GLIS3: variants seen among roughly 807,000 people sequenced by gnomAD.
GLIS3 encodes the protein GLIS family zinc finger 3, also known as zinc finger protein GLIS3.
Under a neutral mutation model 78.6 loss-of-function variants are expected in GLIS3, and 53 were observed. That is an observed-to-expected ratio of 0.67 (90% CI 0.54 to 0.85). The LOEUF (loss-of-function observed/expected upper bound fraction) is 0.85, where lower values mean the gene tolerates loss of function less well. Among genes scored for constraint, GLIS3 ranks in the 40% least tolerant of loss-of-function variants. GLIS3 has a pLI of 0.00. For missense variants in GLIS3, 1,703 were observed against 1,231.1 expected, an observed-to-expected ratio of 1.38 and a Z score of -5.74; for synonymous variants, 684 against 509.9, an observed-to-expected ratio of 1.34 and a Z score of -4.60.
intron 7 of GLIS3, among the ~76,000 whole-genome samples, chr9:3,896,032 A>G (rs1250017055): frequency 6.6e-6 from 1 of 152,238 alleles, no homozygotes; most frequent in African/African-American, 2.4e-5. Context: ...TACTTTTGCT[A>G]TTTAGCCAAG....
chr9:4,469,228 G>A, the GLIS3 span, among the ~76,000 whole-genome samples: 254 of 152,152 alleles, frequency 1.7e-3, no homozygotes, highest in Non-Finnish European at 3.3e-3. Context: ...ACAGATCAAT[G>A]AGACAGAAAG....
intron 1 of GLIS3, among the ~76,000 whole-genome samples, chr9:4,291,237 T>C (rs1563907868): frequency 6.6e-6 from 1 of 151,996 alleles, no homozygotes; most frequent in African/African-American, 2.4e-5. Flanking sequence ...TAAGACGAAA[T>C]AAAAGAGGTT....
the GLIS3 span, among the ~76,000 whole-genome samples, chr9:4,445,439 C>A: frequency 6.6e-6 from 1 of 152,040 alleles, no homozygotes; most frequent in South Asian, 2.1e-4. Context: ...CCAGCCTGGG[C>A]AACATAGTGG....
At chr9:3,975,295 G>C (rs988877751) in intron 4 of GLIS3, 5 of 152,100 alleles carry the variant, frequency 3.3e-5, no homozygotes, top group African/African-American at 1.2e-4. Context: ...CTCCCAGGGG[G>C]GCACAGGAAT....
At chr9:4,285,430 C>G (rs1827902645) in intron 2 of GLIS3, 1 of 152,188 alleles carries the variant, frequency 6.6e-6, no homozygotes, top group Admixed American at 6.5e-5. Context: ...TCTCCGCAAG[C>G]ACAAAATACA....
intron 4 of GLIS3, among the ~76,000 whole-genome samples, chr9:4,003,836 T>C (rs1821321279): frequency 6.6e-6 from 1 of 152,230 alleles, no homozygotes; most frequent in Admixed American, 6.5e-5. Flanking sequence ...CTAAAATTCT[T>C]TCTTTGGTGC....
chr9:4,329,858 C>G lies in GLIS3; in HGVS notation n.264+17223G>C, dbSNP rs16921157. On this transcript the variant is annotated intron_variant and non_coding_transcript_variant, in intron 2 of 4. Transcript: ENST00000471664. The stretch of plus-strand genomic sequence containing the variant: ...GCTGGTAATGCAATGATGAATTCGA[C>G]TGAAACAGTTCCTGCCCTTGGAAAG... Among the ~76,000 whole-genome samples the G allele has an allele frequency of 1.8e-4, 27 of 152,274 alleles. No individual in the cohort carries two copies. The South Asian group carries it at 3.7e-3, about 21-fold the overall frequency.
chr9:3,872,219 A>G (rs1001677806), intron 8 of GLIS3, among the ~76,000 whole-genome samples: 4 of 152,220 alleles, frequency 2.6e-5, no homozygotes, highest in Non-Finnish European at 5.9e-5. Context: ...GGGCAAAGCC[A>G]TTCAACAAGT....
chr9:4,117,738 G>C (rs931398740), intron 4 of GLIS3, 30 bp downstream of exon 4: 1 of 1,614,100 alleles, frequency 6.2e-7, no homozygotes, highest in Non-Finnish European at 8.5e-7. Context: ...GCCTTCAAGA[G>C]AGGTCACCCC....
the GLIS3 span, among the ~76,000 whole-genome samples, chr9:4,423,902 T>C: frequency 6.6e-6 from 1 of 152,184 alleles, no homozygotes; most frequent in Non-Finnish European, 1.5e-5. Context: ...TAATCTGTAG[T>C]GAGGTGGGAA....
chr9:4,177,130 A>AAAAACAAAAC (rs60164998), intron 2 of GLIS3, among the ~76,000 whole-genome samples: 51 of 151,158 alleles, frequency 3.4e-4, no homozygotes, highest in Middle Eastern at 3.4e-3. Flanking sequence ...TTTGATGAGC[A>AAAAACAAAAC]AAAACAAAAC....
At chr9:4,255,790 A>G (rs531171270) in intron 2 of GLIS3, among the ~76,000 whole-genome samples, 6 of 152,270 alleles carry the variant, frequency 3.9e-5, no homozygotes, top group African/African-American at 1.4e-4. Context: ...TACTAGATAC[A>G]TGTCACTATA....
At chr9:3,848,586 C>T (rs1819210792) in intron 9 of GLIS3, among the ~76,000 whole-genome samples, 1 of 152,196 alleles carries the variant, frequency 6.6e-6, no homozygotes, top group African/African-American at 2.4e-5. Context: ...TCAGTCATGG[C>T]TACAGCCCAT....
intron 4 of GLIS3, among the ~76,000 whole-genome samples, chr9:4,038,170 T>C (rs1824491938): frequency 6.6e-6 from 1 of 152,224 alleles, no homozygotes; most frequent in African/African-American, 2.4e-5. Flanking sequence ...ATTAATTTAT[T>C]TGTAATTAAT....
At chr9:4,208,654 T>C (rs577598611) in intron 2 of GLIS3, among the ~76,000 whole-genome samples, 3 of 152,340 alleles carry the variant, frequency 2.0e-5, no homozygotes, top group Admixed American at 6.5e-5. Flanking sequence ...GGGAATAGTA[T>C]GTTCCGCACT....
chr9:4,224,034 A>C (rs1270488010), intron 2 of GLIS3, among the ~76,000 whole-genome samples: 16 of 151,748 alleles, frequency 1.1e-4, no homozygotes, highest in Admixed American at 1.1e-3. Context: ...GTAAACTGCT[A>C]AACTCACAAT....
At chr9:4,389,289 C>T in the GLIS3 span, among the ~76,000 whole-genome samples, 52 of 152,162 alleles carry the variant, frequency 3.4e-4, no homozygotes, top group South Asian at 2.1e-4. Flanking sequence ...GCTCTGCTAC[C>T]CTGCCTTCAT....
intron 4 of GLIS3, among the ~76,000 whole-genome samples, chr9:4,113,301 C>T (rs10739034): frequency 0.43 from 65,220 of 151,874 alleles, 16,340 homozygotes; most frequent in East Asian, 0.69. Flanking sequence ...GCAATAAACA[C>T]CTTTTCTCAT....
intron 4 of GLIS3, among the ~76,000 whole-genome samples, chr9:4,020,479 A>G (rs1029758143): frequency 3.9e-5 from 6 of 152,252 alleles, no homozygotes; most frequent in African/African-American, 1.4e-4. Context: ...GGTCAATTTG[A>G]AAAAATTTCA....
Sources: allele counts gnomAD v4.1 joint callset (sites outside exome capture counted in the v4.1 genomes callset), GRCh38; gene constraint gnomAD v4.1.1; transcripts MANE v1.5; gene names NCBI Gene and HGNC (gene_info 2026-07-23, HGNC 2026-07-21).